Variants in KANK4 observed in about 807,000 individuals in gnomAD.
KANK4 encodes KN motif and ankyrin repeat domains 4.
Under a neutral mutation model 80.8 loss-of-function variants are expected in KANK4, and 50 were observed. The ratio of observed to expected loss-of-function variants is 0.62; its 90% CI spans 0.49 to 0.78. The LOEUF is 0.78. KANK4 is among the 30% of genes least tolerant of loss of function. KANK4 has a pLI of 0.00. For synonymous variants in KANK4, 465 were observed against 506.9 expected (o/e 0.92, Z 1.11); for missense variants, 1,196 against 1,240.1 (o/e 0.96, Z 0.53).
At chr1:62,292,821 A>G (rs1389832026) in intron 1 of KANK4, among the ~76,000 whole-genome samples, 2 of 152,194 alleles carry the variant, frequency 1.3e-5, no homozygotes, top group African/African-American at 4.8e-5. Context: ...TCCAACAGAC[A>G]CGGGTTCAAA....
chr1:62,312,908 G>A (rs981002836), intron 1 of KANK4, among the ~76,000 whole-genome samples: 2 of 152,112 alleles, frequency 1.3e-5, no homozygotes, highest in African/African-American at 2.4e-5. Context: ...TCCTCTCCAC[G>A]GTATCAACTG....
chr1:62,291,358 A>G (rs1231215828), intron 1 of KANK4, among the ~76,000 whole-genome samples: 1 of 152,234 alleles, frequency 6.6e-6, no homozygotes, highest in Non-Finnish European at 1.5e-5. Context: ...ATGATTTGCA[A>G]AAAATTTCTT....
intron 1 of KANK4, among the ~76,000 whole-genome samples, chr1:62,291,703 G>A (rs989621425): frequency 1.3e-5 from 2 of 152,122 alleles, no homozygotes; most frequent in African/African-American, 4.8e-5. Flanking sequence ...CACCTCCCGG[G>A]ATCAAGTGAT....
intron 1 of KANK4, among the ~76,000 whole-genome samples, chr1:62,317,693 C>A (rs552274824): frequency 4.6e-5 from 7 of 152,204 alleles, no homozygotes; most frequent in Non-Finnish European, 1.0e-4. Flanking sequence ...GCAGACTGAC[C>A]GACTACTGGA....
rs1672264924 is a variant in KANK4, at chr1:62,274,689, G to C, written c.415C>G (p.Gln139Glu). 1.9e-6 allele frequency: 3 copies of C among 1,614,226 alleles called. No individual in the cohort carries two copies. The highest frequency in any genetic ancestry group is 2.5e-6 in the Non-Finnish European group (3 of 1,180,050). Residue 139 changes from glutamine (Q) to glutamate (E), a missense_variant, in exon 3 of 10, where the codon CAG (glutamine) becomes GAG (glutamate). Gln to Glu is a conservative substitution (Grantham distance 29). Coordinates refer to ENST00000371153, the MANE Select transcript of KANK4 (RefSeq NM_181712.5). ...RKALLAEATR[Q>E]LEAAEPEDAE... ...TCCTCTGGCTCAGCAGCTTCCAACT[G>C]TCTGGTGGCCTCTGCCAACAGAGCC...
intron 1 of KANK4, among the ~76,000 whole-genome samples, chr1:62,306,998 A>G (rs1427471299): frequency 1.3e-5 from 2 of 152,204 alleles, no homozygotes; most frequent in African/African-American, 4.8e-5. Flanking sequence ...ATATTGGCCA[A>G]GGGTGGGTGT....
At chr1:62,276,755 C>T (rs1464421532) in intron 2 of KANK4, among the ~76,000 whole-genome samples, 2 of 106,226 alleles carry the variant, frequency 1.9e-5, no homozygotes, top group African/African-American at 8.1e-5. Context: ...CCAGCCTGGG[C>T]AACGATAGCA....
At chr1:62,295,149 T>TC (rs1644350589) in intron 1 of KANK4, among the ~76,000 whole-genome samples, 1 of 151,922 alleles carries the variant, frequency 6.6e-6, no homozygotes, top group Non-Finnish European at 1.5e-5. Context: ...CTTTTCTTTT[T>TC]TTTTTTTGAG....
Position 62,267,684 on chromosome 1 carries a change from C to T in KANK4, c.2231+603G>A, listed in dbSNP as rs981577427. Among the ~76,000 whole-genome samples the T allele has an allele frequency of 3.3e-5, 5 of 152,014 alleles. No homozygotes were observed. In the South Asian group the frequency reaches 6.2e-4, roughly 19 times the overall value. On this transcript the variant is annotated intron_variant, in intron 5 of 9. Transcript: ENST00000371153. ...GAGGATGGTGGTGAGCACCTGTAGT[C>T]CCAGCTACTCAGGAGACTGAGGCAG...
chr1:62,275,620 T>C (rs980794385), intron 2 of KANK4, among the ~76,000 whole-genome samples: 1 of 152,230 alleles, frequency 6.6e-6, no homozygotes, highest in Non-Finnish European at 1.5e-5. Flanking sequence ...CAATGAGTTA[T>C]GCCGTTTACA....
intron 5 of KANK4, among the ~76,000 whole-genome samples, 185 bp downstream of exon 5, chr1:62,268,102 C>T (rs1348746774): frequency 1.3e-5 from 2 of 152,118 alleles, no homozygotes; most frequent in Non-Finnish European, 2.9e-5. Context: ...GTACATTCCA[C>T]GAAAGCAGGA....
intron 8 of KANK4, among the ~76,000 whole-genome samples, chr1:62,250,132 C>T (rs999814600): frequency 6.6e-6 from 1 of 152,026 alleles, no homozygotes; most frequent in East Asian, 1.9e-4. Flanking sequence ...GGAATACAGG[C>T]GTGCATCACC....
intron 9 of KANK4, among the ~76,000 whole-genome samples, chr1:62,238,764 G>A (rs563877155): frequency 3.6e-4 from 55 of 151,974 alleles, no homozygotes; most frequent in African/African-American, 1.2e-3. Context: ...CAAGTAGCTG[G>A]GATTACAGGT....
chr1:62,311,423 C>G lies in KANK4; in HGVS notation c.-71+7683G>C, dbSNP rs549539768. Reference sequence around the variant, plus strand: ...AAAAGGTAGCAAAAAAAAACACAACCACTACTCTAATAAATATTGCTCCAG... The same window carrying G: ...AAAAGGTAGCAAAAAAAAACACAACGACTACTCTAATAAATATTGCTCCAG... On this transcript the variant is annotated intron_variant, in intron 1 of 9. Coordinates refer to ENST00000371153, the MANE Select transcript of KANK4 (RefSeq NM_181712.5). 6.6e-5 allele frequency among the ~76,000 whole-genome samples: 10 copies of G among 152,218 alleles called. No homozygotes were observed. The East Asian group carries it at 1.5e-3, about 24-fold the overall frequency.
chr1:62,308,203 G>A (rs1447848756), intron 1 of KANK4, among the ~76,000 whole-genome samples: 1 of 152,160 alleles, frequency 6.6e-6, no homozygotes, highest in Non-Finnish European at 1.5e-5. Flanking sequence ...GCTTTGGAAG[G>A]CTAACTACAG....
At chr1:62,254,880 A>ATTTTTTTT (rs3066333) in intron 7 of KANK4, among the ~76,000 whole-genome samples, 2 of 65,730 alleles carry the variant, frequency 3.0e-5, no homozygotes, top group Non-Finnish European at 5.3e-5. Context: ...TAAACCTGGT[A>ATTTTTTTT]TTTTTTTTTT....
intron 8 of KANK4, among the ~76,000 whole-genome samples, chr1:62,249,300 C>T (rs567235594): frequency 6.6e-6 from 1 of 151,716 alleles, no homozygotes; most frequent in East Asian, 1.9e-4. Flanking sequence ...CCATCATTTC[C>T]CATAGATTTT....
In KANK4 at chr1:62,238,225, G is replaced by A; in HGVS notation, c.*52C>T. On this transcript the variant is annotated 3_prime_UTR_variant, in exon 10 of 10. Transcript: ENST00000371153. ...CTCTGCCCTCTTCAAGGGCGAGGGA[G>A]GAGTCCAGAGAAGAAGGCTTTTGTT... The A allele has an allele frequency of 1.5e-6, 2 of 1,345,996 alleles. No homozygotes were observed. The highest frequency in any genetic ancestry group is 1.1e-6 in the Non-Finnish European group (1 of 941,580). The allele number at this position is 1,345,996 out of a possible 1,614,324, so 83.4% of individuals were successfully genotyped here.
intron 9 of KANK4, among the ~76,000 whole-genome samples, chr1:62,242,732 C>T (rs1345174367): frequency 6.6e-6 from 1 of 152,124 alleles, no homozygotes; most frequent in Non-Finnish European, 1.5e-5. Context: ...TGAATTCTCT[C>T]CCAGTTTTCC....
Sources: gnomAD v4.1 joint callset for allele counts (sites outside exome capture counted in the v4.1 genomes callset) on GRCh38, gnomAD v4.1.1 for gene constraint, MANE v1.5 for transcripts, NCBI Gene and HGNC (gene_info 2026-07-23, HGNC 2026-07-21) for gene names.